The following CDKAL1 variants were observed in gnomAD, a reference collection of about 807,000 sequenced individuals.
CDKAL1 encodes threonylcarbamoyladenosine tRNA methylthiotransferase.
In CDKAL1, 32 loss-of-function variants were observed where a neutral mutation model predicts 68.2. That is an observed-to-expected ratio of 0.47 (90% CI 0.35 to 0.63). The LOEUF (loss-of-function observed/expected upper bound fraction) is 0.63, where lower values mean the gene tolerates loss of function less well. CDKAL1 is among the 30% of genes least tolerant of loss of function. The pLI, the probability that CDKAL1 is intolerant of heterozygous loss-of-function variation, is 0.00. For missense variants in CDKAL1, 606 were observed against 696.7 expected (o/e 0.87, Z 1.47); for synonymous variants, 234 against 244.3 (o/e 0.96, Z 0.39).
At chr6:20,628,308 A>G (rs777951989) in intron 4 of CDKAL1, among the ~76,000 whole-genome samples, 20 of 152,102 alleles carry the variant, frequency 1.3e-4, no homozygotes, top group Non-Finnish European at 2.5e-4. Context: ...TACCTTGAAT[A>G]GGTGTTGGAT....
intron 9 of CDKAL1, among the ~76,000 whole-genome samples, chr6:20,903,699 C>T (rs1375404529): frequency 6.6e-6 from 1 of 152,158 alleles, no homozygotes; most frequent in African/African-American, 2.4e-5. Context: ...GAAACTGAAG[C>T]CCATGTGCAT....
At chr6:20,923,762 A>C (rs1763062164) in intron 9 of CDKAL1, among the ~76,000 whole-genome samples, 1 of 152,214 alleles carries the variant, frequency 6.6e-6, no homozygotes, top group Non-Finnish European at 1.5e-5. Flanking sequence ...CCTGTAATCT[A>C]GCAATTTGTG....
intron 13 of CDKAL1, among the ~76,000 whole-genome samples, chr6:21,188,771 T>G (rs1239251871): frequency 6.6e-6 from 1 of 152,076 alleles, no homozygotes; most frequent in East Asian, 1.9e-4. Flanking sequence ...CTTGTTTGGG[T>G]TTGTTGAGAG....
chr6:21,065,453 T>C (rs1013346618), intron 12 of CDKAL1, among the ~76,000 whole-genome samples: 55 of 152,128 alleles, frequency 3.6e-4, no homozygotes, highest in African/African-American at 1.3e-3. Context: ...AAAATTCAGA[T>C]GACTTGGGGA....
At chr6:20,769,144 G>T (rs1388731854) in intron 7 of CDKAL1, among the ~76,000 whole-genome samples, 1 of 151,818 alleles carries the variant, frequency 6.6e-6, no homozygotes, top group Admixed American at 6.6e-5. Context: ...CCTTTTTCCC[G>T]TAACTCACAC....
chr6:21,078,964 G>A (rs1218441047), intron 12 of CDKAL1, among the ~76,000 whole-genome samples: 2 of 152,204 alleles, frequency 1.3e-5, no homozygotes, highest in African/African-American at 4.8e-5. Context: ...AACTCAGTAT[G>A]TGTTGGATTG....
chr6:20,675,082 ATTG>A (rs970953398), intron 5 of CDKAL1, among the ~76,000 whole-genome samples: 3 of 151,536 alleles, frequency 2.0e-5, no homozygotes, highest in Non-Finnish European at 4.4e-5. Context: ...TTTTTTTTAA[ATTG>A]TTGTATTCTT....
At chr6:20,552,056 C>T in intron 4 of CDKAL1, among the ~76,000 whole-genome samples, 1 of 147,150 alleles carries the variant, frequency 6.8e-6, no homozygotes, top group Admixed American at 6.8e-5. Flanking sequence ...AAAAAAAAGG[C>T]TGGGTGTGTT....
chr6:21,060,477 C>T (rs1301571791), intron 11 of CDKAL1, among the ~76,000 whole-genome samples: 3 of 151,974 alleles, frequency 2.0e-5, no homozygotes, highest in Non-Finnish European at 4.4e-5. Flanking sequence ...TGACTTTTTT[C>T]AAAGATGTAC....
At chr6:21,154,996 C>A in intron 13 of CDKAL1, among the ~76,000 whole-genome samples, 1 of 136,396 alleles carries the variant, frequency 7.3e-6, no homozygotes, top group East Asian at 2.3e-4. Context: ...TCCCCCACCC[C>A]CCCCAAAAAA....
intron 5 of CDKAL1, among the ~76,000 whole-genome samples, chr6:20,662,485 T>C (rs1394309252): frequency 1.3e-5 from 2 of 152,154 alleles, no homozygotes; most frequent in Non-Finnish European, 2.9e-5. Context: ...AGGCTGAGGC[T>C]GGTCCCTACT....
intron 4 of CDKAL1, among the ~76,000 whole-genome samples, chr6:20,585,096 G>A (rs1188671252): frequency 2.2e-5 from 3 of 137,856 alleles, no homozygotes; most frequent in South Asian, 4.4e-4. Flanking sequence ...TCGCTCTGTC[G>A]CCCATGCTGG....
chr6:20,748,547 T>G (rs1773760122), intron 6 of CDKAL1, among the ~76,000 whole-genome samples: 1 of 96,980 alleles, frequency 1.0e-5, no homozygotes, highest in Non-Finnish European at 1.9e-5. Context: ...AGCAAGACTC[T>G]GTTTCTGGAA....
chr6:21,124,325 G>A (rs144921157), intron 13 of CDKAL1, among the ~76,000 whole-genome samples: 255 of 152,062 alleles, frequency 1.7e-3, no homozygotes, highest in African/African-American at 4.8e-3. Flanking sequence ...CTCTTCATTT[G>A]TGTCTCTCTG....
chr6:21,161,130 C>G (rs142531810), intron 13 of CDKAL1, among the ~76,000 whole-genome samples: 1 of 152,184 alleles, frequency 6.6e-6, no homozygotes, highest in Non-Finnish European at 1.5e-5. Context: ...TTGGTGTCAG[C>G]TCATAGTAAT....
chr6:21,155,479 C>T (rs1037392250), intron 13 of CDKAL1, among the ~76,000 whole-genome samples: 3 of 152,128 alleles, frequency 2.0e-5, no homozygotes, highest in East Asian at 3.9e-4. Flanking sequence ...ATTTGAGGAG[C>T]GCCTGGAGAA....
At chr6:20,719,510 A>C (rs1772248146) in intron 5 of CDKAL1, among the ~76,000 whole-genome samples, 1 of 152,194 alleles carries the variant, frequency 6.6e-6, no homozygotes. Context: ...GTTCTGAGAT[A>C]CATAGGAAGG....
intron 10 of CDKAL1, among the ~76,000 whole-genome samples, chr6:20,973,626 A>C (rs1037966025): frequency 1.3e-5 from 2 of 152,084 alleles, no homozygotes; most frequent in Non-Finnish European, 2.9e-5. Context: ...TTTGTTTGAG[A>C]CAGGGCCTTG....
chr6:20,767,927 A>ACTCTGGATATC (rs1272004567), intron 7 of CDKAL1, among the ~76,000 whole-genome samples: 9 of 152,130 alleles, frequency 5.9e-5, no homozygotes, highest in African/African-American at 2.2e-4. Flanking sequence ...TAGGATATCA[A>ACTCTGGATATC]CTCTGGATAT....
Sources: gnomAD v4.1 joint callset for allele counts (sites outside exome capture counted in the v4.1 genomes callset) on GRCh38, gnomAD v4.1.1 for gene constraint, MANE v1.5 for transcripts, NCBI Gene and HGNC (gene_info 2026-07-23, HGNC 2026-07-21) for gene names.